Variants in ESYT2 observed in about 807,000 individuals in gnomAD.
ESYT2 encodes the protein extended synaptotagmin-2.
ESYT2 carries 54 observed loss-of-function variants against 107.2 expected under a neutral mutation model. That is an observed-to-expected ratio of 0.50 (90% CI 0.40 to 0.63). ESYT2 has a LOEUF of 0.63. Ranked by LOEUF, ESYT2 falls within the 30% of genes least tolerant of loss-of-function variation. The probability of loss-of-function intolerance (pLI) is 0.00; values close to 1 mark genes in which losing one functional copy is unlikely to be tolerated. For missense variants in ESYT2, 1,020 were observed against 1,094.5 expected (o/e 0.93, Z 0.96); for synonymous variants, 491 against 434.1 (o/e 1.13, Z -1.63).
intron 4 of ESYT2, among the ~76,000 whole-genome samples, chr7:158,789,027 A>G (rs972552005): frequency 6.6e-6 from 1 of 152,234 alleles, no homozygotes; most frequent in Non-Finnish European, 1.5e-5. Flanking sequence ...TAATATAAAC[A>G]TGAAATGTCA....
intron 7 of ESYT2, among the ~76,000 whole-genome samples, chr7:158,769,589 C>A (rs1463363927): frequency 6.6e-6 from 1 of 152,220 alleles, no homozygotes. Context: ...ACTCATCACC[C>A]GTATTTTGTT....
In ESYT2 at chr7:158,781,818, AGT is replaced by A. The variant is rs1273017494; in HGVS notation, c.747+6184_747+6185del. The stretch of plus-strand genomic sequence containing the variant: ...GTGTGAGAACAAAGTGTGAGATGTG[AGT>A]GTAATAACGAGAACAAGTGTGTGTG... On this transcript the variant is annotated intron_variant, in intron 6 of 22. Coordinates refer to ENST00000275418, the MANE Select transcript of ESYT2 (RefSeq NM_001367773.1). Among the ~76,000 whole-genome samples the A allele has an allele frequency of 3.4e-5, 5 of 147,336 alleles. No individual in the cohort carries two copies. In the East Asian group the frequency reaches 7.8e-4, roughly 23 times the overall value.
At chr7:158,791,901 T>G (rs907662884) in intron 4 of ESYT2, among the ~76,000 whole-genome samples, 61 of 152,312 alleles carry the variant, frequency 4.0e-4, no homozygotes, top group African/African-American at 1.4e-3. Flanking sequence ...TTAACAATAT[T>G]AAGTCTTCTA....
chr7:158,746,208 G>A lies in ESYT2; in HGVS notation c.1644+1986C>T, dbSNP rs149434250. Among the ~76,000 whole-genome samples, 326 of 143,028 alleles carry A rather than the reference G, an allele frequency of 2.3e-3. 1 individual carries two copies. The highest frequency in any genetic ancestry group is 8.2e-3 in the African/African-American group (310 of 37,664). 93.8% of individuals were successfully genotyped at this position (143,028 alleles called of 152,430 possible). On this transcript the variant is annotated intron_variant, in intron 16 of 22. Transcript: ENST00000275418. ...CCAGCCTGGGCAATGTGGTGAAACCGCATCTTTACATACATAAATAGACAC... is the reference window on the plus strand; with the variant it reads ...CCAGCCTGGGCAATGTGGTGAAACCACATCTTTACATACATAAATAGACAC...
intron 1 of ESYT2, among the ~76,000 whole-genome samples, chr7:158,822,728 TC>T: frequency 6.6e-6 from 1 of 151,882 alleles, no homozygotes. Flanking sequence ...GGAGGATCCC[TC>T]AAGCCTAGGA....
Position 158,738,890 on chromosome 7 carries a change from G to GTT in ESYT2, c.2267+131_2267+132dup, listed in dbSNP as rs1427142588. The GTT allele has an allele frequency of 4.3e-6, 4 of 920,184 alleles. No individual in the cohort carries two copies. The East Asian group carries it at 1.0e-4, about 23-fold the overall frequency. 57.0% of individuals were successfully genotyped at this position (920,184 alleles called of 1,614,324 possible). A position where few individuals can be genotyped will look rare whatever the true frequency, so the allele number is the denominator to read the frequency against. ...CCCTTTACGAGCACCGTCTCTAGAG[G>GTT]TTTAATTGCTTTGTCCTTTCTAAAT... On this transcript the variant is annotated intron_variant, in intron 19 of 22. Coordinates refer to ENST00000275418, the MANE Select transcript of ESYT2 (RefSeq NM_001367773.1).
intron 6 of ESYT2, among the ~76,000 whole-genome samples, chr7:158,774,970 A>G (rs1366609767): frequency 2.6e-5 from 4 of 152,188 alleles, no homozygotes; most frequent in African/African-American, 9.7e-5. Context: ...AAAGAACAGG[A>G]AAGAGAATAC....
At chr7:158,820,441 A>G (rs1248705361) in intron 1 of ESYT2, among the ~76,000 whole-genome samples, 1 of 152,254 alleles carries the variant, frequency 6.6e-6, no homozygotes, top group Admixed American at 6.5e-5. Context: ...TACAATGTAT[A>G]CATATTTCAA....
intron 3 of ESYT2, 101 bp from the exon 4 acceptor site, chr7:158,793,827 G>T: frequency 1.1e-6 from 1 of 915,686 alleles, no homozygotes; most frequent in Non-Finnish European, 1.6e-6. Context: ...TTAAATTTCA[G>T]ACTACAACAG....
intron 6 of ESYT2, among the ~76,000 whole-genome samples, chr7:158,776,077 CTT>C (rs1257704582): frequency 6.6e-6 from 1 of 152,098 alleles, no homozygotes; most frequent in African/African-American, 2.4e-5. Flanking sequence ...TTGAGGGACT[CTT>C]TTTTTTCTGA....
At position 158,792,667 on chromosome 7, in the gene ESYT2, A is replaced by ATTGTG. The variant is rs538264394; in HGVS notation, c.584+978_584+982dup. 4.7e-5 allele frequency among the ~76,000 whole-genome samples: 7 copies of ATTGTG among 150,504 alleles called. No individual in the cohort carries two copies. The East Asian group carries it at 1.4e-3, about 29-fold the overall frequency. ...AACTGCTCCAACTAGAACTCACAAT[A>ATTGTG]TTGTGTTGAAGAGAAGTAGTGAAAG... On this transcript the variant is annotated intron_variant, in intron 4 of 22. Coordinates refer to ENST00000275418, the MANE Select transcript of ESYT2 (RefSeq NM_001367773.1).
chr7:158,761,559 A>C lies in ESYT2; in HGVS notation c.1185-15T>G. 2.5e-6 allele frequency: 4 copies of C among 1,609,968 alleles called. No individual in the cohort carries two copies. The highest frequency in any genetic ancestry group is 3.4e-6 in the Non-Finnish European group (4 of 1,176,640). ...CAATCATAAGACTATAAAAATAACA[A>C]TACGACAACTTTAGAACATAGAAAC... On this transcript the variant is annotated splice_polypyrimidine_tract_variant and intron_variant, in intron 10 of 22. Coordinates refer to ENST00000275418, the MANE Select transcript of ESYT2 (RefSeq NM_001367773.1).
intron 16 of ESYT2, among the ~76,000 whole-genome samples, chr7:158,744,502 A>G (rs1481824549): frequency 6.6e-6 from 1 of 152,204 alleles, no homozygotes; most frequent in Admixed American, 6.5e-5. Flanking sequence ...CAAAATCCAC[A>G]TTAAAGAAAA....
rs111426028 is a variant in ESYT2, at chr7:158,767,973, C to G, written c.804-199G>C. Among the ~76,000 whole-genome samples, 766 of 152,266 alleles carry G rather than the reference C, an allele frequency of 5.0e-3. 4 individuals are homozygous for G. The highest frequency in any genetic ancestry group is 0.018 in the African/African-American group (736 of 41,552). ...TGATACCACTATGGTGACTATGATA[C>G]AGAATTTATTTATAGAATACAAGGT... On this transcript the variant is annotated intron_variant, in intron 7 of 22. Transcript: ENST00000275418.
chr7:158,759,409 T>G, intron 13 of ESYT2, 77 bp downstream of exon 13: 1 of 1,145,986 alleles, frequency 8.7e-7, no homozygotes, highest in Non-Finnish European at 1.3e-6. Context: ...TGCAGAGTGC[T>G]GCACAAAGCA....
rs573039490 is a variant in ESYT2, at chr7:158,737,588, G to A, written c.2268-409C>T. Reference sequence around the variant, plus strand: ...TCCTTTGCAGCAAACGCGGTCAGGTGCCCAGCTGCACAGGCCCCCACATTC... The same window carrying A: ...TCCTTTGCAGCAAACGCGGTCAGGTACCCAGCTGCACAGGCCCCCACATTC... On this transcript the variant is annotated intron_variant, in intron 19 of 22. Coordinates refer to ENST00000275418, the MANE Select transcript of ESYT2 (RefSeq NM_001367773.1). Among the ~76,000 whole-genome samples the A allele has an allele frequency of 4.3e-4, 65 of 152,244 alleles. No homozygotes were observed. In the East Asian group the frequency reaches 0.012, roughly 29 times the overall value.
rs535041641 is a variant in ESYT2, at chr7:158,761,744, C to T, written c.1185-200G>A. ...TCCACAAGCTTCCTCCAGCTCACCC[C>T]CAGTGTCAGGAGAGTAAGGAAGAGT... is the stretch of plus-strand genomic sequence containing the variant. On this transcript the variant is annotated intron_variant, in intron 10 of 22. Transcript: ENST00000275418. Among the ~76,000 whole-genome samples, 66 of 152,220 alleles carry T rather than the reference C, an allele frequency of 4.3e-4. 2 individuals carry two copies. The highest frequency in any genetic ancestry group is 3.4e-3 in the Middle Eastern group (1 of 294).
chr7:158,736,371 T>C (rs1563613411), intron 20 of ESYT2, among the ~76,000 whole-genome samples: 1 of 152,250 alleles, frequency 6.6e-6, no homozygotes, highest in South Asian at 2.1e-4. Context: ...TGTATTATTA[T>C]CATTTCCCAA....
At chr7:158,810,655 C>T (rs1445162059) in intron 1 of ESYT2, among the ~76,000 whole-genome samples, 1 of 151,348 alleles carries the variant, frequency 6.6e-6, no homozygotes, top group Non-Finnish European at 1.5e-5. Context: ...GCGCTCCAGC[C>T]TGGGTGATAG....
Sources: allele counts gnomAD v4.1 joint callset (sites outside exome capture counted in the v4.1 genomes callset), GRCh38; gene constraint gnomAD v4.1.1; transcripts MANE v1.5; gene names NCBI Gene and HGNC (gene_info 2026-07-23, HGNC 2026-07-21).